Variants in KIR3DL1 observed in about 807,000 individuals in gnomAD.
The protein encoded by KIR3DL1 is killer cell immunoglobulin like receptor, three Ig domains and long cytoplasmic tail 1.
Under a neutral mutation model 40.3 loss-of-function variants are expected in KIR3DL1, and 50 were observed. That is an observed-to-expected ratio of 1.24 (90% confidence interval 0.99 to 1.57). The LOEUF (loss-of-function observed/expected upper bound fraction) is 1.57, where lower values mean the gene tolerates loss of function less well. Among genes scored for constraint, KIR3DL1 ranks in the 40% most tolerant of loss-of-function variants. The pLI, the probability that KIR3DL1 is intolerant of heterozygous loss-of-function variation, is 0.00. For missense variants in KIR3DL1, 661 were observed against 559.9 expected (o/e 1.18, Z -1.82); for synonymous variants, 257 against 207.2 (o/e 1.24, Z -2.07).
chr19:54,824,163 C>T (rs1434293443), intron 5 of KIR3DL1, among the ~76,000 whole-genome samples: 1 of 151,620 alleles, frequency 6.6e-6, no homozygotes, highest in Non-Finnish European at 1.5e-5. Context: ...AACAAAATGT[C>T]TTTCGTCAGA....
At chr19:54,821,481 A>C in intron 4 of KIR3DL1, 84 bp from the exon 5 acceptor site, 2 of 1,446,952 alleles carry the variant, frequency 1.4e-6, no homozygotes, top group African/African-American at 1.5e-5. Context: ...GTCATAGAGC[A>C]GGGGAGTGAG....
intron 5 of KIR3DL1, among the ~76,000 whole-genome samples, chr19:54,823,118 T>C (rs1302717140): frequency 6.6e-6 from 1 of 150,844 alleles, no homozygotes; most frequent in African/African-American, 2.5e-5. Flanking sequence ...CATTGCAACC[T>C]GTGCCTCCTA....
intron 3 of KIR3DL1, 140 bp downstream of exon 3, chr19:54,818,739 G>A: frequency 8.9e-7 from 1 of 1,126,516 alleles, no homozygotes; most frequent in Non-Finnish European, 1.2e-6. Context: ...GGGGAAATGG[G>A]TGCTGTGGTG....
chr19:54,827,044 A>G (rs916606404), intron 6 of KIR3DL1, among the ~76,000 whole-genome samples: 11 of 151,780 alleles, frequency 7.2e-5, no homozygotes, highest in Middle Eastern at 6.8e-3. Flanking sequence ...AGACAGTGGA[A>G]AAGGCAATTG....
At position 54,829,302 on chromosome 19, in the gene KIR3DL1, C is replaced by A. The variant is rs1232770655; in HGVS notation, c.1001-59C>A. The A allele has an allele frequency of 5.6e-5, 73 of 1,308,514 alleles. 8 individuals carry two copies. Among genetic ancestry groups the A allele is most frequent in the Non-Finnish European group, 7.6e-5 (71 of 937,958 alleles). The allele number at this position is 1,308,514 out of a possible 1,614,324, so 81.1% of individuals were successfully genotyped here. On this transcript the variant is annotated intron_variant, in intron 6 of 8. Transcript: ENST00000391728. ...TACCTGTCAATCAAGAAATGCAAGA[C>A]AATTCATATAGAGAAACTGCTATGA...
Position 54,828,651 on chromosome 19 carries a change from C to T in KIR3DL1, c.1001-710C>T, listed in dbSNP as rs534008576. ...AGCACTCAGCTAAAGCACTGCATGA[C>T]GTCCTCCTCCAGGAAGAACAGGAAG... is the stretch of plus-strand genomic sequence containing the variant. On this transcript the variant is annotated intron_variant, in intron 6 of 8. Coordinates refer to ENST00000391728, the Ensembl canonical transcript of KIR3DL1. Among the ~76,000 whole-genome samples the T allele has an allele frequency of 1.7e-4, 26 of 150,150 alleles. No individual in the cohort carries two copies. The Middle Eastern group carries it at 0.01, about 59-fold the overall frequency.
In KIR3DL1 at chr19:54,819,431, A is replaced by C. The variant is rs140857198; in HGVS notation, c.356-282A>C. 1.3e-3 allele frequency among the ~76,000 whole-genome samples: 192 copies of C among 151,302 alleles called. 7 individuals are homozygous for C. The East Asian group carries it at 0.034, about 27-fold the overall frequency. On this transcript the variant is annotated intron_variant, in intron 3 of 8. Transcript: ENST00000391728. ...TGTCCTCTTCCACCCCCACATAGAC[A>C]GCAGGAAAGAGATTAGTGGGAAACA...
At position 54,825,295 on chromosome 19, in the gene KIR3DL1, C is replaced by T. The variant is rs369992495; in HGVS notation, c.1000+217C>T. Among the ~76,000 whole-genome samples, 10 of 151,036 alleles carry T rather than the reference C, an allele frequency of 6.6e-5. 1 individual carries two copies. In the East Asian group the frequency reaches 7.7e-4, roughly 12 times the overall value. ...AATGTCCTGCAGGTGAGACCTCCTA[C>T]AAGCTAGAAGAATGATTGCCAATCT... On this transcript the variant is annotated intron_variant, in intron 6 of 8. Transcript: ENST00000391728.
chr19:54,822,179 C>A (rs2061673442), intron 5 of KIR3DL1, among the ~76,000 whole-genome samples: 1 of 151,300 alleles, frequency 6.6e-6, no homozygotes, highest in African/African-American at 2.4e-5. Context: ...TTCCCAGAAG[C>A]CCATCATGGC....
chr19:54,817,895 C>T (rs1351411034), intron 2 of KIR3DL1, among the ~76,000 whole-genome samples: 3 of 146,180 alleles, frequency 2.1e-5, no homozygotes, highest in African/African-American at 7.9e-5. Flanking sequence ...CCAGCGTTTC[C>T]GTGATGGTAG....
At chr19:54,825,552 C>T (rs1436390523) in intron 6 of KIR3DL1, among the ~76,000 whole-genome samples, 2 of 150,038 alleles carry the variant, frequency 1.3e-5, no homozygotes, top group Admixed American at 6.6e-5. Context: ...TGCACGCACA[C>T]TTCGACTCAC....
exon 7 of KIR3DL1, chr19:54,829,421 T>A (rs1482809302): frequency 1.3e-6 from 2 of 1,502,626 alleles, no homozygotes; most frequent in East Asian, 4.7e-5. Context: ...CTCTTCATCC[T>A]CCTCCTCTTC....
intron 6 of KIR3DL1, among the ~76,000 whole-genome samples, chr19:54,826,600 G>A (rs1469851181): frequency 2.7e-5 from 4 of 146,768 alleles, no homozygotes; most frequent in Admixed American, 1.4e-4. Flanking sequence ...GATTACAGGC[G>A]TGAGCCACTT....
Position 54,829,449 on chromosome 19 carries a change from G to A in KIR3DL1, c.1089G>A (p.Trp363Ter). 1 of 1,494,804 alleles carries A rather than the reference G, an allele frequency of 6.7e-7. No homozygotes were observed. Among genetic ancestry groups the A allele is most frequent in the Non-Finnish European group, 9.1e-7 (1 of 1,102,670 alleles). 92.6% of individuals were successfully genotyped at this position (1,494,804 alleles called of 1,614,324 possible). A position where few individuals can be genotyped will look rare whatever the true frequency, so the allele number is the denominator to read the frequency against. Residue 363 changes from tryptophan (W) to a stop codon, truncating the protein, a stop_gained, in exon 7 of 9, where the codon TGG becomes TGA. Transcript: ENST00000391728. LOFTEE classifies it high-confidence loss of function. ...TCCTCTTCTTTCTCCTTCATCTCTG[G>A]TGCTCCAACAAAAAAAGTAAGTCTC...
intron 4 of KIR3DL1, among the ~76,000 whole-genome samples, chr19:54,821,317 G>C (rs1338742496): frequency 6.6e-6 from 1 of 150,996 alleles, no homozygotes; most frequent in Non-Finnish European, 1.5e-5. Context: ...CCAATCCAAG[G>C]AGGGTCAGAG....
chr19:54,823,458 C>G (rs570535922), intron 5 of KIR3DL1, among the ~76,000 whole-genome samples: 1 of 145,644 alleles, frequency 6.9e-6, no homozygotes, highest in African/African-American at 2.5e-5. Flanking sequence ...TTTGTTTTGC[C>G]TGTCTTGCAG....
chr19:54,829,541 TC>T, intron 7 of KIR3DL1, 76 bp downstream of exon 7: 1 of 1,214,026 alleles, frequency 8.2e-7, no homozygotes, highest in African/African-American at 1.5e-5. Flanking sequence ...AGCTGTGTGT[TC>T]CTCACTGGCA....
chr19:54,821,932 G>C lies in KIR3DL1; in HGVS notation c.949+74G>C, dbSNP rs2061662411. ...GCTAAGGAGCTTCCTGCTGATGATG[G>C]AGAAAAGCATGGACAGATGCAGAGA... On this transcript the variant is annotated intron_variant, in intron 5 of 8. Coordinates refer to ENST00000391728, the Ensembl canonical transcript of KIR3DL1. 4.6e-6 allele frequency: 7 copies of C among 1,505,990 alleles called. No homozygotes were observed. In the South Asian group the frequency reaches 8.0e-5, roughly 17 times the overall value. 93.3% of individuals were successfully genotyped at this position (1,505,990 alleles called of 1,614,324 possible). A position where few individuals can be genotyped will look rare whatever the true frequency, so the allele number is the denominator to read the frequency against.
chr19:54,823,445 G>A, intron 5 of KIR3DL1, among the ~76,000 whole-genome samples: 1 of 149,520 alleles, frequency 6.7e-6, no homozygotes, highest in Non-Finnish European at 1.5e-5. Flanking sequence ...CATCTTGCCA[G>A]CATTTGTTTT....
Sources: allele counts gnomAD v4.1 joint callset (sites outside exome capture counted in the v4.1 genomes callset), GRCh38; gene constraint gnomAD v4.1.1; transcripts MANE v1.5; gene names NCBI Gene and HGNC (gene_info 2026-07-23, HGNC 2026-07-21).